The following ZFC3H1 variants were observed in gnomAD, a reference collection of about 807,000 sequenced individuals.
ZFC3H1 encodes the protein zinc finger C3H1-type containing.
A neutral mutation model predicts 243.7 loss-of-function variants in ZFC3H1; 71 were observed. That is an observed-to-expected ratio of 0.29 (90% CI 0.24 to 0.36). ZFC3H1 has a LOEUF of 0.36. Ranked by LOEUF, ZFC3H1 falls within the 10% of genes least tolerant of loss-of-function variation. ZFC3H1 has a pLI of 1.00. For synonymous variants in ZFC3H1, 838 were observed against 813.0 expected, an observed-to-expected ratio of 1.03 and a Z score of -0.52; for missense variants, 1,966 against 2,317.1, an observed-to-expected ratio of 0.85 and a Z score of 3.11.
At chr12:71,657,773 G>T (rs1479931281) in intron 1 of ZFC3H1, among the ~76,000 whole-genome samples, 5 of 152,156 alleles carry the variant, frequency 3.3e-5, no homozygotes. Flanking sequence ...AGGATCACTT[G>T]AGGTCAGGAG....
intron 31 of ZFC3H1, among the ~76,000 whole-genome samples, chr12:71,612,442 T>C (rs1341033726): frequency 6.6e-6 from 1 of 152,136 alleles, no homozygotes; most frequent in Non-Finnish European, 1.5e-5. Flanking sequence ...CATGTCAAAA[T>C]ATGACATTTT....
chr12:71,658,282 A>ATTTT lies in ZFC3H1; in HGVS notation c.599-985_599-982dup, dbSNP rs11454442. On this transcript the variant is annotated intron_variant, in intron 1 of 34. Coordinates refer to ENST00000378743, the MANE Select transcript of ZFC3H1 (RefSeq NM_144982.5). ...TGTGGTTTTAATACATCATTTATAG[A>ATTTT]TTTTTTTTTTTTTTTTTTTTTTTTG... Among the ~76,000 whole-genome samples, 126 of 92,792 alleles carry ATTTT rather than the reference A, an allele frequency of 1.4e-3. 1 individual carries two copies. Among genetic ancestry groups the ATTTT allele is most frequent in the African/African-American group, 2.9e-3 (66 of 22,544 alleles). The allele number at this position is 92,792 out of a possible 152,430, so 60.9% of individuals were successfully genotyped here.
At position 71,633,047 on chromosome 12, in the gene ZFC3H1, T is replaced by C. The variant is rs1305015552; in HGVS notation, c.2686-30A>G. ...AAAATATAGAATAATCCTGAAAATGTAAATGAAAACCTTAAAACAGGAAAT... is the reference window on the plus strand; with the variant it reads ...AAAATATAGAATAATCCTGAAAATGCAAATGAAAACCTTAAAACAGGAAAT... On this transcript the variant is annotated intron_variant, in intron 13 of 34. Transcript: ENST00000378743. 3 of 1,562,472 alleles carry C rather than the reference T, an allele frequency of 1.9e-6. No individual in the cohort carries two copies. In the South Asian group the frequency reaches 3.6e-5, roughly 19 times the overall value.
chr12:71,632,874 T>A lies in ZFC3H1; in HGVS notation c.2817+12A>T, dbSNP rs1376618047. On this transcript the variant is annotated intron_variant, in intron 14 of 34. Transcript: ENST00000378743. ...GCTTTCCAAAAGTAAAATATTTCTA[T>A]AAAACCCTCACCCCAAAGCGATCTT... 4 of 1,607,808 alleles carry A rather than the reference T, an allele frequency of 2.5e-6. No homozygotes were observed. Among genetic ancestry groups the A allele is most frequent in the South Asian group, 1.1e-5 (1 of 89,270 alleles).
chr12:71,656,161 G>C (rs1881012728), intron 2 of ZFC3H1, among the ~76,000 whole-genome samples: 1 of 152,086 alleles, frequency 6.6e-6, no homozygotes, highest in African/African-American at 2.4e-5. Flanking sequence ...TGGAGAAACT[G>C]TTTGAGGTTG....
chr12:71,637,132 A>C (rs771450884), intron 7 of ZFC3H1, 73 bp from the exon 8 acceptor site: 9 of 1,240,200 alleles, frequency 7.3e-6, no homozygotes, highest in Non-Finnish European at 1.0e-5. Context: ...CAGCAATATT[A>C]AACTAGAAAA....
Position 71,632,585 on chromosome 12 carries a change from G to A in ZFC3H1, c.2818-71C>T, listed in dbSNP as rs141897848. On this transcript the variant is annotated intron_variant, in intron 14 of 34. Coordinates refer to ENST00000378743, the MANE Select transcript of ZFC3H1 (RefSeq NM_144982.5). ...ATAAACAATTTTTGGTAAGATAATT[G>A]TGCTATCCCCACCATACAATGCCAA... 306 of 1,474,604 alleles carry A rather than the reference G, an allele frequency of 2.1e-4. 1 individual carries two copies. The East Asian group carries it at 3.9e-3, about 19-fold the overall frequency. The allele number at this position is 1,474,604 out of a possible 1,614,324, so 91.3% of individuals were successfully genotyped here.
At position 71,647,762 on chromosome 12, in the gene ZFC3H1, A is replaced by C; in HGVS notation, c.1067T>G (p.Ile356Ser). 1 of 1,478,234 alleles carries C rather than the reference A, an allele frequency of 6.8e-7. No homozygotes were observed. The highest frequency in any genetic ancestry group is 9.2e-7 in the Non-Finnish European group (1 of 1,085,494). 91.6% of individuals were successfully genotyped at this position (1,478,234 alleles called of 1,614,324 possible). ...GCAGTATCTTACCTTTTCAGACAGA[A>C]TATCTGAGGTACTAATTCTTCTTGT... Reference protein sequence around the residue: ...NLTRRISTSDILSEKKLGEDE... With the variant: ...NLTRRISTSDSLSEKKLGEDE... The change falls in exon 3 of 35, where the codon ATT (isoleucine) becomes AGT (serine). Residue 356 changes from isoleucine to serine, a missense_variant. Ile to Ser is a moderately radical substitution (Grantham distance 142). Transcript: ENST00000378743.
chr12:71,654,250 G>C (rs1417747071), intron 2 of ZFC3H1, among the ~76,000 whole-genome samples: 1 of 152,030 alleles, frequency 6.6e-6, no homozygotes, highest in East Asian at 1.9e-4. Flanking sequence ...GACCAGCCTA[G>C]ACAACATACT....
intron 22 of ZFC3H1, among the ~76,000 whole-genome samples, chr12:71,625,978 G>A (rs1880154988): frequency 6.6e-6 from 1 of 152,038 alleles, no homozygotes; most frequent in Admixed American, 6.5e-5. Context: ...TGTAAAAATA[G>A]GTAAGTGTGA....
intron 1 of ZFC3H1, among the ~76,000 whole-genome samples, chr12:71,658,195 C>T (rs1881069778): frequency 6.6e-6 from 1 of 151,208 alleles, no homozygotes; most frequent in Admixed American, 6.6e-5. Context: ...AATTCATACA[C>T]GAGAATTGTT....
At position 71,663,343 on chromosome 12, in the gene ZFC3H1, G is replaced by A. The variant is rs1400332586; in HGVS notation, c.268C>T (p.Arg90Trp). ...QQQLRNFSRS[R>W]HASERGHLRG... Reference sequence around the variant, plus strand: ...AGGTGGCCCCGCTCAGACGCGTGCCGCGAGCGTGAGAAATTCCTCAGCTGC... The same window carrying A: ...AGGTGGCCCCGCTCAGACGCGTGCCACGAGCGTGAGAAATTCCTCAGCTGC... The change falls in exon 1 of 35, where the codon CGG becomes TGG. Residue 90 changes from arginine to tryptophan, a missense_variant. By Grantham distance (101) the Arg-to-Trp change is moderately radical. This residue lies in a region of ZFC3H1 where 484 missense variants were observed against 449.7 expected (regional missense o/e 1.08). Coordinates refer to ENST00000378743, the MANE Select transcript of ZFC3H1 (RefSeq NM_144982.5). 10 of 1,613,128 alleles carry A rather than the reference G, an allele frequency of 6.2e-6. No individual in the cohort carries two copies. Among genetic ancestry groups the A allele is most frequent in the Admixed American group, 1.7e-5 (1 of 60,024 alleles).
At chr12:71,631,243 T>G (rs985909374) in intron 16 of ZFC3H1, among the ~76,000 whole-genome samples, 1 of 152,090 alleles carries the variant, frequency 6.6e-6, no homozygotes, top group African/African-American at 2.4e-5. Context: ...AATACCGGTA[T>G]TTCTTACACA....
intron 1 of ZFC3H1, among the ~76,000 whole-genome samples, chr12:71,659,505 G>A (rs1565832181): frequency 6.6e-6 from 1 of 151,534 alleles, no homozygotes. Context: ...CACACTCTTT[G>A]TATGTAAGTT....
chr12:71,647,845 C>T, intron 2 of ZFC3H1, 32 bp from the exon 3 acceptor site: 4 of 868,850 alleles, frequency 4.6e-6, no homozygotes, highest in Non-Finnish European at 7.0e-6. Context: ...TTTGAATAAT[C>T]CAAAAGATAG....
At chr12:71,638,156 A>C (rs1880511659) in intron 7 of ZFC3H1, among the ~76,000 whole-genome samples, 1 of 152,146 alleles carries the variant, frequency 6.6e-6, no homozygotes, top group African/African-American at 2.4e-5. Context: ...CTGAGTAGCT[A>C]CTATCTGAGA....
At chr12:71,613,708 T>G in intron 30 of ZFC3H1, 1 of 275,346 alleles carries the variant, frequency 3.6e-6, no homozygotes, top group Non-Finnish European at 6.9e-6. Flanking sequence ...TACCTTTACT[T>G]GCTGTATAGC....
chr12:71,624,745 T>C (rs1880119112), intron 22 of ZFC3H1, among the ~76,000 whole-genome samples: 1 of 152,084 alleles, frequency 6.6e-6, no homozygotes, highest in African/African-American at 2.4e-5. Flanking sequence ...GAGGCCAAGG[T>C]GGGTGGATCA....
intron 2 of ZFC3H1, among the ~76,000 whole-genome samples, chr12:71,649,970 C>T (rs1359025172): frequency 6.6e-6 from 1 of 152,096 alleles, no homozygotes; most frequent in Non-Finnish European, 1.5e-5. Context: ...GGGTGGATCA[C>T]GAGGTCAGGA....
Sources: gnomAD v4.1 joint callset for allele counts (sites outside exome capture counted in the v4.1 genomes callset) on GRCh38, gnomAD v4.1.1 for gene constraint, gnomAD v4.1.1 regional missense constraint, MANE v1.5 for transcripts, NCBI Gene and HGNC (gene_info 2026-07-23, HGNC 2026-07-21) for gene names.